The following SGK1 variants were observed in gnomAD, a reference collection of about 807,000 sequenced individuals.
The protein encoded by SGK1 is serum/glucocorticoid regulated kinase 1, also known as serine/threonine-protein kinase Sgk1.
A neutral mutation model predicts 64.2 loss-of-function variants in SGK1; 26 were observed. The observed-to-expected ratio is 0.40, with a 90% CI of 0.30 to 0.56. The LOEUF is 0.56. SGK1 is among the 20% of genes least tolerant of loss of function. SGK1 has a pLI of 0.38. For synonymous variants in SGK1, 265 were observed against 239.7 expected (o/e 1.11, Z -0.98); for missense variants, 519 against 645.6 (o/e 0.80, Z 2.12).
chr6:134,281,519 C>CTTT (rs35370292), intron 1 of SGK1, among the ~76,000 whole-genome samples: 4 of 142,020 alleles, frequency 2.8e-5, no homozygotes, highest in Non-Finnish European at 4.6e-5. Context: ...CCAATTTGTT[C>CTTT]TTTTTTTTTT....
intron 2 of SGK1, among the ~76,000 whole-genome samples, chr6:134,234,002 TA>T (rs1468748623): frequency 4.6e-5 from 7 of 152,250 alleles, no homozygotes. Context: ...AAATAACCTT[TA>T]TTCTTTATAG....
chr6:134,227,414 G>A (rs765068764), intron 2 of SGK1, among the ~76,000 whole-genome samples: 9 of 152,266 alleles, frequency 5.9e-5, no homozygotes, highest in Non-Finnish European at 1.0e-4. Flanking sequence ...GATTACAGGC[G>A]TGGGCCACCG....
chr6:134,276,104 G>A (rs1777013580), intron 1 of SGK1, among the ~76,000 whole-genome samples: 1 of 152,056 alleles, frequency 6.6e-6, no homozygotes. Context: ...TGTTCACTTT[G>A]TGTTGAAGCT....
intron 2 of SGK1, among the ~76,000 whole-genome samples, chr6:134,229,313 G>T (rs1776241051): frequency 6.6e-6 from 1 of 152,146 alleles, no homozygotes; most frequent in Non-Finnish European, 1.5e-5. Context: ...TCCTGGATTA[G>T]GTGGCAAAGG....
intron 2 of SGK1, 78 bp downstream of exon 2, chr6:134,261,855 T>C: frequency 1.9e-6 from 2 of 1,031,312 alleles, no homozygotes; most frequent in Non-Finnish European, 3.1e-6. Flanking sequence ...TTTTTGGGTA[T>C]ACTCTGGCAG....
At chr6:134,206,156 G>T (rs1775764782) in intron 3 of SGK1, among the ~76,000 whole-genome samples, 1 of 151,436 alleles carries the variant, frequency 6.6e-6, no homozygotes, top group Non-Finnish European at 1.5e-5. Context: ...CCTCCCATAA[G>T]TATTCTGAAG....
intron 2 of SGK1, among the ~76,000 whole-genome samples, chr6:134,232,445 A>AGAGAG (rs1776299923): frequency 1.8e-5 from 1 of 56,606 alleles, no homozygotes; most frequent in Non-Finnish European, 4.3e-5. Flanking sequence ...GAAAGAAAGA[A>AGAGAG]AGAAAGAAAG....
At chr6:134,177,518 C>A in intron 3 of SGK1, 1 of 706,818 alleles carries the variant, frequency 1.4e-6, no homozygotes, top group East Asian at 2.6e-5. Flanking sequence ...TGCACACAGA[C>A]TTTTGCATGT....
chr6:134,193,824 AGAGGGGAGGGAAGGGGAGGG>A (rs1562246572), intron 3 of SGK1, among the ~76,000 whole-genome samples: 4 of 248 alleles, frequency 0.016, no homozygotes, highest in African/African-American at 0.024. Flanking sequence ...AGAAGGGAGG[AGAGGGGAGGGAAGGGGAGGG>A]GAGGGGAGGG....
At chr6:134,310,604 T>C (rs966956113) in intron 1 of SGK1, among the ~76,000 whole-genome samples, 1 of 152,220 alleles carries the variant, frequency 6.6e-6, no homozygotes, top group Non-Finnish European at 1.5e-5. Flanking sequence ...TGTTTGTTTT[T>C]TGAGATGCTG....
intron 1 of SGK1, among the ~76,000 whole-genome samples, chr6:134,301,587 C>CTTCTCTTCT (rs1777458784): frequency 1.2e-5 from 1 of 85,468 alleles, no homozygotes; most frequent in Admixed American, 1.4e-4. Flanking sequence ...TCTTCTCTTC[C>CTTCTCTTCT]CTTCTCTTCT....
chr6:134,238,902 C>G (rs149040200), intron 2 of SGK1, among the ~76,000 whole-genome samples: 2 of 152,288 alleles, frequency 1.3e-5, no homozygotes, highest in East Asian at 3.9e-4. Flanking sequence ...GGCCACCAAT[C>G]TATTTTTCAG....
intron 3 of SGK1, among the ~76,000 whole-genome samples, chr6:134,195,592 G>A (rs1368537059): frequency 6.6e-6 from 1 of 152,142 alleles, no homozygotes; most frequent in South Asian, 2.1e-4. Context: ...CCTACTCACT[G>A]GAATAAATAA....
chr6:134,227,392 C>T (rs1776201501), intron 2 of SGK1, among the ~76,000 whole-genome samples: 1 of 152,190 alleles, frequency 6.6e-6, no homozygotes, highest in African/African-American at 2.4e-5. Context: ...GCTTGGCCTC[C>T]CAAAGTGCTG....
intron 2 of SGK1, among the ~76,000 whole-genome samples, chr6:134,234,840 C>A (rs1203842612): frequency 6.6e-6 from 1 of 152,184 alleles, no homozygotes; most frequent in Non-Finnish European, 1.5e-5. Context: ...TGCGCCATTG[C>A]ACTCCATTCT....
At chr6:134,280,197 T>A (rs966670751) in intron 1 of SGK1, among the ~76,000 whole-genome samples, 94 of 108,064 alleles carry the variant, frequency 8.7e-4, no homozygotes, top group African/African-American at 3.0e-3. Flanking sequence ...AGACACTGTC[T>A]CAAAAAAAAA....
intron 2 of SGK1, among the ~76,000 whole-genome samples, chr6:134,229,000 C>T (rs1047244494): frequency 6.6e-6 from 1 of 152,230 alleles, no homozygotes; most frequent in Non-Finnish European, 1.5e-5. Context: ...CCCGCCACTG[C>T]GCCCAGCTAA....
Position 134,173,219 on chromosome 6 carries a change from G to C in SGK1, c.702+55C>G, listed in dbSNP as rs56166803. 2,787 of 1,609,170 alleles carry C rather than the reference G, an allele frequency of 1.7e-3. 6 individuals carry two copies. The highest frequency in any genetic ancestry group is 2.2e-3 in the Non-Finnish European group (2,598 of 1,175,880). ...CTTGGCACCAACATTCCAGAATCAA[G>C]ATTATTCAAGGAGTGTCTACCGCCA... On this transcript the variant is annotated intron_variant, in intron 7 of 13. Coordinates refer to ENST00000367858, the MANE Select transcript of SGK1 (RefSeq NM_001143676.3).
chr6:134,300,023 A>T (rs1777423854), intron 1 of SGK1, among the ~76,000 whole-genome samples: 1 of 152,168 alleles, frequency 6.6e-6, no homozygotes, highest in Non-Finnish European at 1.5e-5. Flanking sequence ...GCCACTAAAA[A>T]AGGAACCTGG....
Sources: gnomAD v4.1 joint callset for allele counts (sites outside exome capture counted in the v4.1 genomes callset) on GRCh38, gnomAD v4.1.1 for gene constraint, MANE v1.5 for transcripts, NCBI Gene and HGNC (gene_info 2026-07-23, HGNC 2026-07-21) for gene names.